Variants in TBRG1 observed in about 807,000 individuals in gnomAD.
TBRG1 encodes transforming growth factor beta regulator 1, also known as nuclear interactor of ARF and MDM2.
In TBRG1, 31 loss-of-function variants were observed where a neutral mutation model predicts 44.0. The observed-to-expected ratio is 0.70, with a 90% CI of 0.53 to 0.95. The LOEUF is 0.95. TBRG1 is among the 40% of genes least tolerant of loss of function. The pLI is 0.00. For missense variants in TBRG1, 487 were observed against 496.1 expected, an observed-to-expected ratio of 0.98 and a Z score of 0.18; for synonymous variants, 171 against 188.1, an observed-to-expected ratio of 0.91 and a Z score of 0.74.
rs1296794345 is a variant in TBRG1, at chr11:124,631,255, G to A, written c.948-20G>A. Reference sequence around the variant, plus strand: ...TGTCTAGCAGATAACTCTCAAGGGTGATTTCCCTTGATTCTGCAGTTACCA... The same window carrying A: ...TGTCTAGCAGATAACTCTCAAGGGTAATTTCCCTTGATTCTGCAGTTACCA... On this transcript the variant is annotated intron_variant, in intron 7 of 8. Coordinates refer to ENST00000441174, the MANE Select transcript of TBRG1 (RefSeq NM_032811.3). The A allele has an allele frequency of 1.2e-5, 19 of 1,546,900 alleles. No homozygotes were observed. The highest frequency in any genetic ancestry group is 1.7e-5 in the Non-Finnish European group (19 of 1,149,362).
chr11:124,635,392 A>G lies in TBRG1; in HGVS notation c.*3154A>G, dbSNP rs1019265308. ...AACTAAATAAAATCTTGGCACTGAC[A>G]AAGTTATTCCTGCTGTTTGGAGCTA... On this transcript the variant is annotated 3_prime_UTR_variant, in exon 9 of 9. Coordinates refer to ENST00000441174, the MANE Select transcript of TBRG1 (RefSeq NM_032811.3). 1 of 152,214 alleles carries G rather than the reference A, an allele frequency of 6.6e-6. No homozygotes were observed. The highest frequency in any genetic ancestry group is 1.9e-4 in the East Asian group (1 of 5,198). 9.4% of individuals were successfully genotyped at this position (152,214 alleles called of 1,614,324 possible).
At chr11:124,630,173 A>G (rs1305518516) in intron 5 of TBRG1, 7 of 484,454 alleles carry the variant, frequency 1.4e-5, no homozygotes, top group Non-Finnish European at 2.3e-5. Flanking sequence ...AAAGCTGTCA[A>G]CCAAGAAGGG....
intron 2 of TBRG1, 25 bp downstream of exon 2, chr11:124,625,026 A>G (rs1385001752): frequency 6.7e-7 from 1 of 1,487,424 alleles, no homozygotes; most frequent in South Asian, 1.2e-5. Flanking sequence ...TTTTGTGTTC[A>G]GCATCACCTT....
At chr11:124,631,254 T>C in intron 7 of TBRG1, 21 bp from the exon 8 acceptor site, 1 of 1,544,460 alleles carries the variant, frequency 6.5e-7, no homozygotes, top group African/African-American at 1.4e-5. Flanking sequence ...CTCTCAAGGG[T>C]GATTTCCCTT....
At chr11:124,624,363 C>CAAAAAA (rs61352898) in intron 1 of TBRG1, among the ~76,000 whole-genome samples, 6 of 83,558 alleles carry the variant, frequency 7.2e-5, no homozygotes, top group Non-Finnish European at 8.9e-5. Context: ...TCATCATTTA[C>CAAAAAA]AAAAAAAAAA....
At chr11:124,624,489 C>G (rs984427520) in intron 1 of TBRG1, among the ~76,000 whole-genome samples, 4 of 151,820 alleles carry the variant, frequency 2.6e-5, no homozygotes, top group Non-Finnish European at 4.4e-5. Flanking sequence ...TTGGGTTAGA[C>G]TGGCTTTGTA....
At position 124,632,263 on chromosome 11, in the gene TBRG1, C is replaced by A; in HGVS notation, c.*25C>A. ...AACAAGAAGGGATCAGATGCCACAT[C>A]GTTTTTGTCGTGATTAATTTAACTT... is the stretch of plus-strand genomic sequence containing the variant. On this transcript the variant is annotated 3_prime_UTR_variant, in exon 9 of 9. Coordinates refer to ENST00000441174, the MANE Select transcript of TBRG1 (RefSeq NM_032811.3). 6.2e-7 allele frequency: 1 copy of A among 1,600,238 alleles called. No homozygotes were observed. The highest frequency in any genetic ancestry group is 1.1e-5 in the South Asian group (1 of 88,390).
Position 124,623,120 on chromosome 11 carries a change from G to C in TBRG1, c.37G>C (p.Ala13Pro). 2 of 1,551,258 alleles carry C rather than the reference G, an allele frequency of 1.3e-6. No individual in the cohort carries two copies. The highest frequency in any genetic ancestry group is 1.7e-6 in the Non-Finnish European group (2 of 1,146,972). The part of the protein sequence containing the change: ...LLDGLASSPR[A>P]PLQSSKARMK... ...GGACGGCCTCGCTTCCTCGCCGCGGGCTCCGCTGCAGTCCAGCAAGGCCAG... is the reference window on the plus strand; with the variant it reads ...GGACGGCCTCGCTTCCTCGCCGCGGCCTCCGCTGCAGTCCAGCAAGGCCAG... Residue 13 changes from alanine to proline, a missense_variant, in exon 1 of 9, where the codon GCT becomes CCT. Coordinates refer to ENST00000441174, the MANE Select transcript of TBRG1 (RefSeq NM_032811.3).
At chr11:124,623,296 A>G (rs1942382583) in intron 1 of TBRG1, 63 bp downstream of exon 1, 3 of 1,526,250 alleles carry the variant, frequency 2.0e-6, no homozygotes, top group East Asian at 2.4e-5. Flanking sequence ...TCTTTCCCCA[A>G]GCTGTTCCCC....
At position 124,623,013 on chromosome 11, in the gene TBRG1, GC is replaced by G; in HGVS notation, c.-70del. ...CTAGCCCGGAACAGACAAAGCCAGC[GC>G]TCCCGCCCGCTCCCCGACTTAGGAT... On this transcript the variant is annotated 5_prime_UTR_variant, in exon 1 of 9. Transcript: ENST00000441174. 6.9e-7 allele frequency: 1 copy of G among 1,441,472 alleles called. No individual in the cohort carries two copies. Among genetic ancestry groups the G allele is most frequent in the Admixed American group, 2.6e-5 (1 of 37,946 alleles). 89.3% of individuals were successfully genotyped at this position (1,441,472 alleles called of 1,614,324 possible).
intron 1 of TBRG1, 37 bp from the exon 2 acceptor site, chr11:124,624,894 T>C: frequency 7.4e-7 from 1 of 1,342,920 alleles, no homozygotes. Flanking sequence ...ATTTTTTTAT[T>C]CATTTTATGT....
Position 124,625,785 on chromosome 11 carries a change from G to T in TBRG1, c.336G>T (p.Val112=). ...LPLTYGVASS[V]GTIQGAGPIS... is the part of the protein sequence containing the mutation. Reference sequence around the variant, plus strand: ...TGACTTATGGTGTGGCCAGCTCTGTGGGAACTATACAGGGAGCTGGGCCTA... The same window carrying T: ...TGACTTATGGTGTGGCCAGCTCTGTTGGAACTATACAGGGAGCTGGGCCTA... The change falls in exon 3 of 9, where the codon GTG becomes GTT. Residue 112 remains valine, a synonymous_variant. Coordinates refer to ENST00000441174, the MANE Select transcript of TBRG1 (RefSeq NM_032811.3). The T allele has an allele frequency of 6.3e-7, 1 of 1,578,912 alleles. No individual in the cohort carries two copies. The highest frequency in any genetic ancestry group is 8.6e-7 in the Non-Finnish European group (1 of 1,161,194).
intron 4 of TBRG1, 135 bp from the exon 5 acceptor site, chr11:124,626,769 C>T: frequency 6.8e-7 from 1 of 1,463,934 alleles, no homozygotes; most frequent in Non-Finnish European, 9.4e-7. Flanking sequence ...TTGTCTGCTA[C>T]ACAGCCTACT....
chr11:124,624,216 G>C (rs1043029790), intron 1 of TBRG1, among the ~76,000 whole-genome samples: 2 of 151,906 alleles, frequency 1.3e-5, no homozygotes, highest in African/African-American at 4.8e-5. Context: ...AAGGATATTG[G>C]TTCCATCAAA....
intron 1 of TBRG1, among the ~76,000 whole-genome samples, chr11:124,624,278 A>G (rs1942405608): frequency 6.9e-6 from 1 of 144,170 alleles, no homozygotes. Flanking sequence ...GAACATTGAG[A>G]GTTTGAAGTT....
In TBRG1 at chr11:124,630,444, T is replaced by TG; in HGVS notation, c.796dup (p.Ala266GlyfsTer20). 1 of 1,613,812 alleles carries TG rather than the reference T, an allele frequency of 6.2e-7. No individual in the cohort carries two copies. The highest frequency in any genetic ancestry group is 8.5e-7 in the Non-Finnish European group (1 of 1,179,698). On this transcript the variant is annotated frameshift_variant, in exon 6 of 9. Transcript: ENST00000441174. LOFTEE classifies it high-confidence loss of function. ...ATGCCATTGTCAGCTCTTCTGCAGA[T>TG]GCTTGTCATGCAGAACTGCTCAGGA... is the stretch of plus-strand genomic sequence containing the variant.
chr11:124,626,115 G>A (rs535684017), intron 3 of TBRG1, among the ~76,000 whole-genome samples: 1 of 152,176 alleles, frequency 6.6e-6, no homozygotes, highest in East Asian at 1.9e-4. Context: ...TTAAATGCAA[G>A]GGGAGCAGAC....
Position 124,625,015 on chromosome 11 carries a change from A to G in TBRG1, c.221+14A>G. On this transcript the variant is annotated intron_variant, in intron 2 of 8. Transcript: ENST00000441174. ...AGAAGAAAGAAGGTGAGCTGGCTTC[A>G]TTTTGTGTTCAGCATCACCTTTTTG... 6.5e-7 allele frequency: 1 copy of G among 1,531,902 alleles called. No homozygotes were observed. The highest frequency in any genetic ancestry group is 8.8e-7 in the Non-Finnish European group (1 of 1,131,046). 94.9% of individuals were successfully genotyped at this position (1,531,902 alleles called of 1,614,324 possible).
chr11:124,624,981 TAAAGC>T lies in TBRG1; in HGVS notation c.205_209del (p.Ala69ArgfsTer18), dbSNP rs1942430034. ...TTGCTCGTCTTGAGGAAAAATTTCT[TAAAGC>T]AAAAGAAGAAAGAAGGTGAGCTGGC... On this transcript the variant is annotated frameshift_variant, in exon 2 of 9. Coordinates refer to ENST00000441174, the MANE Select transcript of TBRG1 (RefSeq NM_032811.3). LOFTEE classifies it high-confidence loss of function. 1.3e-6 allele frequency: 2 copies of T among 1,549,738 alleles called. No homozygotes were observed. The highest frequency in any genetic ancestry group is 1.7e-6 in the Non-Finnish European group (2 of 1,145,768).
Sources: gnomAD v4.1 joint callset for allele counts (sites outside exome capture counted in the v4.1 genomes callset) on GRCh38, gnomAD v4.1.1 for gene constraint, MANE v1.5 for transcripts, NCBI Gene and HGNC (gene_info 2026-07-23, HGNC 2026-07-21) for gene names.